Variants in SLC4A4 observed in about 807,000 individuals in gnomAD.
The protein encoded by SLC4A4 is solute carrier family 4 member 4, also known as electrogenic sodium bicarbonate cotransporter 1.
In SLC4A4, 27 loss-of-function variants were observed where a neutral mutation model predicts 111.5. The observed-to-expected ratio is 0.24, with a 90% confidence interval of 0.18 to 0.33. The LOEUF is 0.33. Among genes scored for constraint, SLC4A4 ranks in the 10% least tolerant of loss-of-function variants. The pLI is 1.00. For synonymous variants in SLC4A4, 443 were observed against 463.4 expected (o/e 0.96, Z 0.57); for missense variants, 909 against 1,315.5 (o/e 0.69, Z 4.78).
chr4:71,287,106 G>C (rs1230892422), intron 3 of SLC4A4, among the ~76,000 whole-genome samples: 1 of 152,080 alleles, frequency 6.6e-6, no homozygotes, highest in Non-Finnish European at 1.5e-5. Flanking sequence ...TTAGATGTCT[G>C]TGTCCTAAGA....
chr4:71,140,281 CA>C (rs1291019336), intron 2 of SLC4A4, among the ~76,000 whole-genome samples: 1 of 152,036 alleles, frequency 6.6e-6, no homozygotes, highest in East Asian at 1.9e-4. Flanking sequence ...ATTAGCTGGG[CA>C]TGGTGATGCG....
At chr4:71,269,426 G>C (rs1236103294) in intron 3 of SLC4A4, among the ~76,000 whole-genome samples, 1 of 152,172 alleles carries the variant, frequency 6.6e-6, no homozygotes, top group Non-Finnish European at 1.5e-5. Flanking sequence ...GATTCTGAAC[G>C]GGCTTTTCCC....
At chr4:71,373,456 G>A (rs1236888785) in intron 6 of SLC4A4, among the ~76,000 whole-genome samples, 2 of 152,168 alleles carry the variant, frequency 1.3e-5, no homozygotes, top group Non-Finnish European at 2.9e-5. Flanking sequence ...GTAAGAGCAG[G>A]GTGAGACATT....
intron 24 of SLC4A4, among the ~76,000 whole-genome samples, chr4:71,564,552 G>C (rs1737296110): frequency 6.6e-6 from 1 of 151,770 alleles, no homozygotes; most frequent in South Asian, 2.1e-4. Flanking sequence ...TGAATTAACA[G>C]GCCACTTAGT....
chr4:71,147,269 T>C (rs1163000910), intron 2 of SLC4A4, among the ~76,000 whole-genome samples: 2 of 152,166 alleles, frequency 1.3e-5, no homozygotes, highest in African/African-American at 4.8e-5. Flanking sequence ...AAATTTCTCC[T>C]CTTAAATTTC....
intron 3 of SLC4A4, among the ~76,000 whole-genome samples, chr4:71,330,271 C>CT (rs1013234261): frequency 6.6e-6 from 1 of 151,968 alleles, no homozygotes; most frequent in African/African-American, 2.4e-5. Flanking sequence ...TGTAGTTTTC[C>CT]TTTTCTGATT....
chr4:71,347,772 A>T (rs945341599), intron 4 of SLC4A4, among the ~76,000 whole-genome samples: 24 of 152,134 alleles, frequency 1.6e-4, no homozygotes, highest in African/African-American at 5.3e-4. Context: ...TAGGAAAGAT[A>T]AGAAGGAAGT....
intron 2 of SLC4A4, among the ~76,000 whole-genome samples, chr4:71,124,067 G>A (rs1257545856): frequency 2.0e-5 from 3 of 152,034 alleles, no homozygotes; most frequent in Non-Finnish European, 2.9e-5. Context: ...GGTGGTTGTG[G>A]CACTTTAGCA....
At chr4:71,255,182 T>TA (rs1721353571) in intron 2 of SLC4A4, 38 bp from the exon 3 acceptor site, 1 of 1,577,646 alleles carries the variant, frequency 6.3e-7, no homozygotes, top group Admixed American at 1.7e-5. Context: ...GTAGAGAATG[T>TA]GGTTTGAACT....
At chr4:71,109,183 C>T (rs951283649) in intron 2 of SLC4A4, among the ~76,000 whole-genome samples, 1 of 152,030 alleles carries the variant, frequency 6.6e-6, no homozygotes, top group Non-Finnish European at 1.5e-5. Flanking sequence ...TGTCTCTGTG[C>T]TGAGAATCTG....
chr4:71,246,347 C>CTCA (rs1281249869), intron 2 of SLC4A4, among the ~76,000 whole-genome samples: 1 of 152,106 alleles, frequency 6.6e-6, no homozygotes, highest in Non-Finnish European at 1.5e-5. Context: ...CAAGGCTGTG[C>CTCA]TCATCCCAAA....
chr4:71,131,268 G>A (rs186043061), intron 2 of SLC4A4, among the ~76,000 whole-genome samples: 38 of 152,234 alleles, frequency 2.5e-4, no homozygotes, highest in African/African-American at 9.1e-4. Context: ...TTTCTGTTTT[G>A]TCTGTTTCTG....
At chr4:71,408,516 C>A (rs1428125608) in intron 7 of SLC4A4, among the ~76,000 whole-genome samples, 2 of 152,112 alleles carry the variant, frequency 1.3e-5, no homozygotes, top group African/African-American at 4.8e-5. Flanking sequence ...CATTCCTTAT[C>A]TTTTAAATTT....
chr4:71,475,790 T>C lies in SLC4A4; in HGVS notation c.1903+2820T>C, dbSNP rs1039521646. 2.0e-5 allele frequency among the ~76,000 whole-genome samples: 3 copies of C among 152,014 alleles called. No homozygotes were observed. In the South Asian group the frequency reaches 6.2e-4, roughly 31 times the overall value. On this transcript the variant is annotated intron_variant, in intron 14 of 25. Coordinates refer to ENST00000264485, the MANE Select transcript of SLC4A4 (RefSeq NM_001098484.3). ...TATTTTGAAGGAAAAGAAAGAGCTA[T>C]TACAGATAAAATTCTTAGGACAGTT...
At chr4:71,444,986 T>C (rs1040458421) in intron 8 of SLC4A4, among the ~76,000 whole-genome samples, 2 of 152,210 alleles carry the variant, frequency 1.3e-5, no homozygotes, top group African/African-American at 4.8e-5. Flanking sequence ...GGTTTGGCCC[T>C]TGGTGTTATT....
rs1737844323 is a variant in SLC4A4, at chr4:71,570,269, G to A, written c.*2518G>A. The A allele has an allele frequency of 6.7e-6, 1 of 148,544 alleles. No homozygotes were observed. 9.2% of individuals were successfully genotyped at this position (148,544 alleles called of 1,614,324 possible). ...CTCTGAGTAGAGGTAAAACCTATGT[G>A]TACTTCTGTTTATGATCCATATTGA... On this transcript the variant is annotated 3_prime_UTR_variant, in exon 26 of 26. Coordinates refer to ENST00000264485, the MANE Select transcript of SLC4A4 (RefSeq NM_001098484.3).
intron 3 of SLC4A4, among the ~76,000 whole-genome samples, chr4:71,280,009 G>T (rs75886338): frequency 6.6e-6 from 1 of 152,132 alleles, no homozygotes; most frequent in African/African-American, 2.4e-5. Context: ...TGGGCAGGCT[G>T]TCTTGAACCC....
At chr4:71,508,381 C>T (rs1184725680) in intron 16 of SLC4A4, among the ~76,000 whole-genome samples, 1 of 152,028 alleles carries the variant, frequency 6.6e-6, no homozygotes, top group Non-Finnish European at 1.5e-5. Context: ...CAAATAAACA[C>T]AAGCAGAAAT....
chr4:71,081,192 C>G (rs944461049), intron 1 of SLC4A4, among the ~76,000 whole-genome samples: 4 of 152,100 alleles, frequency 2.6e-5, no homozygotes, highest in African/African-American at 9.7e-5. Flanking sequence ...CAAAAGCATT[C>G]ACATCTTAAT....
Sources: gnomAD v4.1 joint callset for allele counts (sites outside exome capture counted in the v4.1 genomes callset) on GRCh38, gnomAD v4.1.1 for gene constraint, MANE v1.5 for transcripts, NCBI Gene and HGNC (gene_info 2026-07-23, HGNC 2026-07-21) for gene names.